KCNN2: variants seen among roughly 807,000 people sequenced by gnomAD.
KCNN2 encodes potassium calcium-activated channel subfamily N member 2, also known as small conductance calcium-activated potassium channel protein 2.
In KCNN2, 24 loss-of-function variants were observed where a neutral mutation model predicts 55.5. That is an observed-to-expected ratio of 0.43 (90% CI 0.31 to 0.61). The LOEUF (loss-of-function observed/expected upper bound fraction) is 0.61, where lower values mean the gene tolerates loss of function less well. Ranked by LOEUF, KCNN2 falls within the 20% of genes least tolerant of loss-of-function variation. The probability of loss-of-function intolerance (pLI) is 0.08; values close to 1 mark genes in which losing one functional copy is unlikely to be tolerated. For synonymous variants in KCNN2, 431 were observed against 336.1 expected (o/e 1.28, Z -3.09); for missense variants, 754 against 853.6 (o/e 0.88, Z 1.45).
intron 2 of KCNN2, among the ~76,000 whole-genome samples, chr5:114,273,861 C>T (rs1755424932): frequency 6.6e-6 from 1 of 152,204 alleles, no homozygotes; most frequent in Non-Finnish European, 1.5e-5. Flanking sequence ...AATTAGATCC[C>T]ATTTGTCAAT....
chr5:114,196,845 T>C (rs1296592327), intron 1 of KCNN2, among the ~76,000 whole-genome samples: 10 of 152,170 alleles, frequency 6.6e-5, no homozygotes, highest in African/African-American at 1.9e-4. Flanking sequence ...TTTATTTATT[T>C]CTGTTGTATT....
At chr5:114,123,351 A>ATTTTTTTTT (rs1172994171) in intron 1 of KCNN2, among the ~76,000 whole-genome samples, 2 of 65,010 alleles carry the variant, frequency 3.1e-5, no homozygotes, top group African/African-American at 7.6e-5. Context: ...CATTTTCTTA[A>ATTTTTTTTT]TTTTTTTTTT....
At chr5:114,281,672 A>G (rs1755627308) in intron 2 of KCNN2, among the ~76,000 whole-genome samples, 2 of 95,578 alleles carry the variant, frequency 2.1e-5, no homozygotes, top group African/African-American at 3.7e-5. Context: ...TGTGTGTATG[A>G]TATCCTAGTC....
intron 1 of KCNN2, among the ~76,000 whole-genome samples, chr5:114,119,379 A>T (rs181102366): frequency 6.6e-6 from 1 of 152,316 alleles, no homozygotes; most frequent in East Asian, 1.9e-4. Context: ...AGTGTTTTCC[A>T]TTGGCTTCTT....
intron 3 of KCNN2, among the ~76,000 whole-genome samples, chr5:114,412,039 C>T (rs1759151685): frequency 6.6e-6 from 1 of 152,132 alleles, no homozygotes; most frequent in East Asian, 1.9e-4. Flanking sequence ...GAAGGAGTTG[C>T]TAAGGGAAAG....
At chr5:114,316,330 G>A (rs1437632855) in intron 2 of KCNN2, among the ~76,000 whole-genome samples, 1 of 152,074 alleles carries the variant, frequency 6.6e-6, no homozygotes. Flanking sequence ...AGAATCAAAG[G>A]TCACTGGAGC....
chr5:114,472,919 T>G, intron 4 of KCNN2, 135 bp from the exon 5 acceptor site: 1 of 503,592 alleles, frequency 2.0e-6, no homozygotes, highest in Non-Finnish European at 3.5e-6. Context: ...GATCACACAT[T>G]TTCTGTAATA....
intron 2 of KCNN2, among the ~76,000 whole-genome samples, chr5:114,250,394 G>T (rs183897248): frequency 1.6e-3 from 242 of 152,246 alleles, no homozygotes; most frequent in African/African-American, 5.5e-3. Flanking sequence ...TGGAGAATTG[G>T]AAGTGTCCCT....
chr5:114,445,189 T>G (rs76625452), intron 3 of KCNN2, among the ~76,000 whole-genome samples: 6,620 of 152,280 alleles, frequency 0.043, 164 homozygotes, highest in South Asian at 0.094. Flanking sequence ...GCAGCTGGCC[T>G]TCTTTAGCTG....
chr5:114,382,803 G>T lies in KCNN2; in HGVS notation c.1218+18802G>T, dbSNP rs1758165525. On this transcript the variant is annotated intron_variant, in intron 2 of 7. Coordinates refer to ENST00000673685, the MANE Select transcript of KCNN2 (RefSeq NM_021614.4). ...AGTCATATGCCCAACCCTGGAAACT[G>T]GCCACTCCAAGGATTAGCAGCTTGC... Among the ~76,000 whole-genome samples the T allele has an allele frequency of 3.3e-5, 5 of 152,246 alleles. No homozygotes were observed. The South Asian group carries it at 1.0e-3, about 32-fold the overall frequency.
intron 2 of KCNN2, among the ~76,000 whole-genome samples, chr5:114,295,499 G>A (rs548793462): frequency 2.6e-5 from 4 of 152,234 alleles, no homozygotes; most frequent in Non-Finnish European, 4.4e-5. Flanking sequence ...GGGACCCTCC[G>A]AGCCATGTGC....
intron 2 of KCNN2, among the ~76,000 whole-genome samples, chr5:114,259,282 C>T (rs1028856865): frequency 6.6e-6 from 1 of 152,226 alleles, no homozygotes; most frequent in African/African-American, 2.4e-5. Context: ...CTGGACCACT[C>T]AGAACCCTCA....
At chr5:114,121,447 C>T (rs962217797) in intron 1 of KCNN2, among the ~76,000 whole-genome samples, 2 of 152,150 alleles carry the variant, frequency 1.3e-5, no homozygotes, top group African/African-American at 2.4e-5. Flanking sequence ...ACACTACCAT[C>T]CCTTAGACCT....
chr5:114,207,838 G>A (rs1383650436), intron 1 of KCNN2, among the ~76,000 whole-genome samples: 1 of 152,222 alleles, frequency 6.6e-6, no homozygotes, highest in Non-Finnish European at 1.5e-5. Flanking sequence ...CGAGAGACAT[G>A]TTGGCACAGA....
At chr5:114,359,363 C>A (rs1194046048), upstream of KCNN2, among the ~76,000 whole-genome samples, 1 of 152,130 alleles carries the variant, frequency 6.6e-6, no homozygotes, top group Non-Finnish European at 1.5e-5. Flanking sequence ...TCTCAGTAGG[C>A]AATTTCTGAG....
intron 1 of KCNN2, among the ~76,000 whole-genome samples, chr5:114,070,752 G>A (rs1750551460): frequency 6.6e-6 from 1 of 152,210 alleles, no homozygotes; most frequent in African/African-American, 2.4e-5. Flanking sequence ...CTACACATAT[G>A]TGACACTGAC....
intron 1 of KCNN2, among the ~76,000 whole-genome samples, chr5:114,089,919 TA>T: frequency 6.6e-6 from 1 of 152,186 alleles, no homozygotes; most frequent in Non-Finnish European, 1.5e-5. Context: ...TTACTTTGCT[TA>T]AAGTATTTCT....
At chr5:114,255,094 C>A (rs1016300958) in intron 2 of KCNN2, among the ~76,000 whole-genome samples, 2 of 152,110 alleles carry the variant, frequency 1.3e-5, no homozygotes, top group African/African-American at 4.8e-5. Context: ...GAAAAGATGA[C>A]TGCTTGATGA....
intron 2 of KCNN2, among the ~76,000 whole-genome samples, chr5:114,366,917 T>TAAA (rs1561589622): frequency 6.6e-6 from 1 of 152,252 alleles, no homozygotes. Flanking sequence ...TAGCTTTTTC[T>TAAA]TTTTAGCATA....
Sources: gnomAD v4.1 joint callset for allele counts (sites outside exome capture counted in the v4.1 genomes callset) on GRCh38, gnomAD v4.1.1 for gene constraint, MANE v1.5 for transcripts, NCBI Gene and HGNC (gene_info 2026-07-23, HGNC 2026-07-21) for gene names.